Variants in ADGRD2 observed in about 807,000 individuals in gnomAD.
ADGRD2 encodes adhesion G protein-coupled receptor D2.
In ADGRD2, 71 loss-of-function variants were observed where a neutral mutation model predicts 44.4. The observed-to-expected ratio is 1.60, with a 90% CI of 1.32 to 1.95. ADGRD2 has a LOEUF of 1.95. Ranked by LOEUF, ADGRD2 falls within the 30% of genes most tolerant of loss-of-function variation. ADGRD2 has a pLI of 0.00. For missense variants in ADGRD2, 1,039 were observed against 512.4 expected (o/e 2.03, Z -9.92); for synonymous variants, 481 against 224.8 (o/e 2.14, Z -10.19).
chr9:124,453,843 G>C (rs559305411), intron 3 of ADGRD2, among the ~76,000 whole-genome samples, 156 bp from the exon 7 acceptor site: 105 of 152,266 alleles, frequency 6.9e-4, no homozygotes, highest in African/African-American at 2.5e-3. Context: ...CAGCAGCCTG[G>C]GGGTCTGCGC....
intron 17 of ADGRD2, among the ~76,000 whole-genome samples, chr9:124,473,919 G>A (rs1008229869): frequency 7.9e-5 from 12 of 151,684 alleles, no homozygotes; most frequent in African/African-American, 2.4e-4. Flanking sequence ...TAAGGCTGGC[G>A]AGAAATGGGG....
At chr9:124,476,323 T>G (rs758380318) in intron 19 of ADGRD2, 34 bp from the exon 23 acceptor site, 20 of 681,466 alleles carry the variant, frequency 2.9e-5, no homozygotes, top group South Asian at 2.8e-4. Flanking sequence ...GCTTCCTGCC[T>G]TCGTCTCTCA....
chr9:124,456,495 A>T, intron 6 of ADGRD2, 127 bp from the exon 10 acceptor site: 1 of 633,296 alleles, frequency 1.6e-6, no homozygotes, highest in African/African-American at 1.8e-5. Flanking sequence ...GAGTCCTTAA[A>T]GAGCCACGGA....
intron 7 of ADGRD2, 36 bp downstream of exon 10, chr9:124,456,769 C>G (rs1250707135): frequency 2.8e-6 from 2 of 704,142 alleles, no homozygotes; most frequent in South Asian, 3.0e-5. Flanking sequence ...CGGCTGGACT[C>G]AGACCTCCCT....
At chr9:124,471,173 A>G (rs901653686) in intron 17 of ADGRD2, among the ~76,000 whole-genome samples, 3 of 152,164 alleles carry the variant, frequency 2.0e-5, no homozygotes, top group African/African-American at 7.2e-5. Context: ...GTGGGGGGCC[A>G]GAACATTAAC....
chr9:124,454,852 GA>G lies in ADGRD2; in HGVS notation c.1119del (p.Asp374AlafsTer45), dbSNP rs1831583706. Reference sequence around the variant, plus strand: ...GCTCCTCTGTCCACAGCTCCTCCCGGACCCCCTCTCCGAAGTCCATGGGGCC... The same window carrying G: ...GCTCCTCTGTCCACAGCTCCTCCCGGCCCCCTCTCCGAAGTCCATGGGGCC... On this transcript the variant is annotated frameshift_variant, in exon 6 of 22. Coordinates refer to ENST00000334810, the Ensembl canonical transcript of ADGRD2. LOFTEE classifies it high-confidence loss of function. This position sits in a 1 kb window ranked among gnomAD's most constrained non-coding sequence, Gnocchi z 4.5. 1.4e-6 allele frequency: 1 copy of G among 701,104 alleles called. No homozygotes were observed. The highest frequency in any genetic ancestry group is 2.6e-6 in the Non-Finnish European group (1 of 380,298). 43.4% of individuals were successfully genotyped at this position (701,104 alleles called of 1,614,324 possible).
intron 17 of ADGRD2, among the ~76,000 whole-genome samples, chr9:124,473,002 G>T (rs1406773383): frequency 6.6e-6 from 1 of 152,158 alleles, no homozygotes; most frequent in Non-Finnish European, 1.5e-5. Context: ...GACCCTCTTA[G>T]GCTCAGAGCC....
At position 124,466,414 on chromosome 9, in the gene ADGRD2, G is replaced by A. The variant is rs1319386507; in HGVS notation, c.2026+1G>A. On this transcript the variant is annotated splice_donor_variant, in intron 11 of 21. Coordinates refer to ENST00000334810, the Ensembl canonical transcript of ADGRD2. LOFTEE classifies it high-confidence loss of function. ...CCTGCTGCAAATCTATGAAGTACAG[G>A]TGAGTGCACGGTGGGAGGGGGGTGT... 2 of 710,066 alleles carry A rather than the reference G, an allele frequency of 2.8e-6. No individual in the cohort carries two copies. The highest frequency in any genetic ancestry group is 2.0e-5 in the Admixed American group (1 of 49,420). The allele number at this position is 710,066 out of a possible 1,614,324, so 44.0% of individuals were successfully genotyped here.
upstream of ADGRD2, chr9:124,451,108 G>A (rs1223699396): frequency 2.1e-6 from 1 of 472,192 alleles, no homozygotes; most frequent in African/African-American, 2.0e-5. Context: ...CAGGAGGGAT[G>A]GCATGGTCAC....
At chr9:124,464,238 A>G (rs1405579868) in intron 10 of ADGRD2, among the ~76,000 whole-genome samples, 1 of 152,196 alleles carries the variant, frequency 6.6e-6, no homozygotes, top group African/African-American at 2.4e-5. Flanking sequence ...ACACATTCAG[A>G]AAATATAGAA....
chr9:124,469,099 C>A, intron 14 of ADGRD2, 123 bp from the exon 18 acceptor site: 1 of 614,428 alleles, frequency 1.6e-6, no homozygotes, highest in Non-Finnish European at 2.9e-6. Context: ...GCTCCTTGGA[C>A]CTCCCCAGTG....
At chr9:124,464,988 G>A (rs1831791980) in intron 10 of ADGRD2, among the ~76,000 whole-genome samples, 2 of 152,202 alleles carry the variant, frequency 1.3e-5, no homozygotes, top group Non-Finnish European at 1.5e-5. Context: ...CCCAAGGAGA[G>A]GAGAGGCGCA....
chr9:124,469,609 C>T (rs1280509867), intron 16 of ADGRD2, 62 bp downstream of exon 19: 17 of 705,900 alleles, frequency 2.4e-5, no homozygotes, highest in Middle Eastern at 2.7e-4. Context: ...CGGCGCCAGG[C>T]GTGAGGCTCA....
chr9:124,469,602 C>T (rs1209012975), intron 16 of ADGRD2, 55 bp downstream of exon 19: 4 of 708,284 alleles, frequency 5.6e-6, no homozygotes, highest in Admixed American at 2.0e-5. Context: ...AGTCAGCCGG[C>T]GCCAGGCGTG....
chr9:124,457,438 C>T, intron 7 of ADGRD2, 34 bp from the exon 11 acceptor site: 5 of 559,424 alleles, frequency 8.9e-6, no homozygotes, highest in South Asian at 4.7e-5. Context: ...GACCTCACTC[C>T]GAGGTCCAGC....
rs185097847 is a variant in ADGRD2, at chr9:124,463,123, T to C, written c.1871-3135T>C. The stretch of plus-strand genomic sequence containing the variant: ...TCCAGACTTTCACCACTAAATGCGA[T>C]GTTTGGGCTTTTTGTAGATGTCCAT... On this transcript the variant is annotated intron_variant, in intron 10 of 21. Transcript: ENST00000334810. Among the ~76,000 whole-genome samples, 345 of 152,340 alleles carry C rather than the reference T, an allele frequency of 2.3e-3. 1 individual carries two copies. Among genetic ancestry groups the C allele is most frequent in the African/African-American group, 7.0e-3 (290 of 41,580 alleles).
intron 9 of ADGRD2, 43 bp downstream of exon 12, chr9:124,458,279 C>G (rs1588601920): frequency 1.4e-6 from 1 of 715,250 alleles, no homozygotes; most frequent in African/African-American, 1.7e-5. Flanking sequence ...CCTGTGTCCC[C>G]TCCCCAAGGA....
Position 124,454,979 on chromosome 9 carries a change from G to A in ADGRD2, c.1247G>A (p.Arg416His), listed in dbSNP as rs574266662. 65 of 718,246 alleles carry A rather than the reference G, an allele frequency of 9.0e-5. No individual in the cohort carries two copies. The East Asian group carries it at 1.3e-3, about 14-fold the overall frequency. 44.5% of individuals were successfully genotyped at this position (718,246 alleles called of 1,614,324 possible). ...CCGGCCGCACTGCTGGCTGTTGTCC[G>A]CTTCCTGAAGAGGGTGGTGGCCCTC... is the stretch of plus-strand genomic sequence containing the variant. Residue 416 changes from arginine to histidine, a missense_variant, in exon 6 of 22, where the codon CGC becomes CAC. Arg to His is a conservative substitution (Grantham distance 29). Coordinates refer to ENST00000334810, the Ensembl canonical transcript of ADGRD2. This position sits in a 1 kb window ranked among gnomAD's most constrained non-coding sequence, Gnocchi z 4.5.
At chr9:124,453,084 G>T (rs573301776) in exon 3 of ADGRD2, 6 of 688,394 alleles carry the variant, frequency 8.7e-6, no homozygotes, top group East Asian at 5.4e-5. Context: ...CGGCTGACCG[G>T]GCGGCGCGGC....
Sources: allele counts gnomAD v4.1 joint callset (sites outside exome capture counted in the v4.1 genomes callset), GRCh38; gene constraint gnomAD v4.1.1; non-coding constraint Gnocchi (gnomAD v3.1); transcripts MANE v1.5; gene names NCBI Gene and HGNC (gene_info 2026-07-23, HGNC 2026-07-21).